Variants in NXPH2 observed in about 807,000 individuals in gnomAD.
NXPH2 encodes neurexophilin-2.
In NXPH2, 5 loss-of-function variants were observed where a neutral mutation model predicts 19.8. That is an observed-to-expected ratio of 0.25 (90% confidence interval 0.13 to 0.53). The LOEUF (loss-of-function observed/expected upper bound fraction) is 0.53. NXPH2 is among the 20% of genes least tolerant of loss of function. The pLI is 0.96. For synonymous variants in NXPH2, 154 were observed against 127.4 expected, an observed-to-expected ratio of 1.21 and a Z score of -1.41; for missense variants, 289 against 322.8, an observed-to-expected ratio of 0.90 and a Z score of 0.80.
At chr2:138,750,898 T>C (rs969942577) in intron 1 of NXPH2, among the ~76,000 whole-genome samples, 19 of 152,054 alleles carry the variant, frequency 1.2e-4, no homozygotes, top group African/African-American at 4.3e-4. Context: ...GATTGGATCT[T>C]GTTCGGATGT....
At chr2:138,736,921 CAA>C (rs1463177827) in intron 1 of NXPH2, among the ~76,000 whole-genome samples, 1 of 152,204 alleles carries the variant, frequency 6.6e-6, no homozygotes, top group East Asian at 1.9e-4. Flanking sequence ...TGAAACATAA[CAA>C]GAGTCACCTT....
At chr2:138,681,476 T>C (rs910998648) in intron 1 of NXPH2, among the ~76,000 whole-genome samples, 64 of 152,340 alleles carry the variant, frequency 4.2e-4, no homozygotes, top group African/African-American at 1.5e-3. Flanking sequence ...CTATAACATA[T>C]ATAATACACA....
At chr2:138,723,396 C>T (rs1310013776) in intron 1 of NXPH2, among the ~76,000 whole-genome samples, 2 of 152,146 alleles carry the variant, frequency 1.3e-5, no homozygotes, top group African/African-American at 4.8e-5. Context: ...GGGAAAAAAT[C>T]AGCCCATTTG....
Position 138,769,704 on chromosome 2 carries a change from T to C in NXPH2, c.51+10487A>G, listed in dbSNP as rs971405907. The stretch of plus-strand genomic sequence containing the variant: ...GGCGTGAAACTGGCACCAAGGCAGC[T>C]ACCAGGAGGCTCCCCTGAGCACAAA... On this transcript the variant is annotated intron_variant, in intron 1 of 1. Transcript: ENST00000272641. Among the ~76,000 whole-genome samples, 96 of 152,160 alleles carry C rather than the reference T, an allele frequency of 6.3e-4. 1 individual carries two copies. The highest frequency in any genetic ancestry group is 6.1e-3 in the Admixed American group (93 of 15,274).
intron 1 of NXPH2, among the ~76,000 whole-genome samples, chr2:138,754,387 A>T (rs911319678): frequency 6.6e-6 from 1 of 152,068 alleles, no homozygotes; most frequent in Non-Finnish European, 1.5e-5. Flanking sequence ...TCTTTTTACC[A>T]TCTCTATAGC....
chr2:138,750,892 G>T (rs753683620), intron 1 of NXPH2, among the ~76,000 whole-genome samples: 4 of 151,994 alleles, frequency 2.6e-5, no homozygotes, highest in Admixed American at 2.0e-4. Context: ...GGAGGTGATT[G>T]GATCTTGTTC....
Position 138,684,723 on chromosome 2 carries a change from G to A in NXPH2, c.52-13058C>T, listed in dbSNP as rs181627823. Among the ~76,000 whole-genome samples the A allele has an allele frequency of 9.2e-5, 14 of 152,282 alleles. 1 individual carries two copies. The South Asian group carries it at 1.2e-3, about 14-fold the overall frequency. On this transcript the variant is annotated intron_variant, in intron 1 of 1. Coordinates refer to ENST00000272641, the MANE Select transcript of NXPH2 (RefSeq NM_007226.3). ...GAAGGAACTGGGACTGTTCCGGGCA[G>A]GAGCAAGCTCATTGTCCTCTGGACT...
chr2:138,690,977 G>C (rs547651545), intron 1 of NXPH2, among the ~76,000 whole-genome samples: 25 of 152,340 alleles, frequency 1.6e-4, no homozygotes, highest in Non-Finnish European at 2.4e-4. Context: ...AACTCACACA[G>C]GGATAGTTAG....
intron 1 of NXPH2, among the ~76,000 whole-genome samples, chr2:138,722,525 AAG>A (rs1681297805): frequency 6.6e-6 from 1 of 152,216 alleles, no homozygotes; most frequent in Non-Finnish European, 1.5e-5. Context: ...TCCTGGGCAG[AAG>A]AGAGGCACCA....
intron 1 of NXPH2, among the ~76,000 whole-genome samples, chr2:138,758,983 G>C (rs1425680418): frequency 6.6e-6 from 1 of 152,140 alleles, no homozygotes; most frequent in East Asian, 1.9e-4. Context: ...ACCCACCCCA[G>C]TTATAAAGCA....
At chr2:138,674,213 G>C (rs553393744) in intron 1 of NXPH2, among the ~76,000 whole-genome samples, 75 of 151,930 alleles carry the variant, frequency 4.9e-4, no homozygotes, top group African/African-American at 1.8e-3. Context: ...GAGTGGAGTG[G>C]TGCAATCTCA....
intron 1 of NXPH2, among the ~76,000 whole-genome samples, chr2:138,759,690 A>G (rs111813066): frequency 0.054 from 8,215 of 151,540 alleles, 303 homozygotes; most frequent in South Asian, 0.085. Context: ...GGGTATGGAT[A>G]GAGATTGTGA....
At chr2:138,744,633 G>T (rs140414420) in intron 1 of NXPH2, among the ~76,000 whole-genome samples, 4 of 152,198 alleles carry the variant, frequency 2.6e-5, no homozygotes, top group Admixed American at 2.6e-4. Flanking sequence ...TCCTCCAGGT[G>T]CTCCAAGCCT....
At chr2:138,672,856 A>G (rs1680433823) in intron 1 of NXPH2, among the ~76,000 whole-genome samples, 1 of 152,240 alleles carries the variant, frequency 6.6e-6, no homozygotes, top group South Asian at 2.1e-4. Flanking sequence ...TGAGAGACGT[A>G]GCCTGGATTA....
intron 1 of NXPH2, among the ~76,000 whole-genome samples, chr2:138,769,402 C>T (rs1489048249): frequency 6.6e-6 from 1 of 152,086 alleles, no homozygotes; most frequent in Non-Finnish European, 1.5e-5. Context: ...CATGCACTTG[C>T]CTCCCTCCAA....
chr2:138,676,434 A>G (rs72860155), intron 1 of NXPH2, among the ~76,000 whole-genome samples: 13,309 of 152,146 alleles, frequency 0.087, 802 homozygotes, highest in Non-Finnish European at 0.11. Flanking sequence ...AGACCTAATC[A>G]GAAGACTGGA....
At chr2:138,769,863 C>T (rs1327979037) in intron 1 of NXPH2, among the ~76,000 whole-genome samples, 1 of 152,158 alleles carries the variant, frequency 6.6e-6, no homozygotes, top group East Asian at 1.9e-4. Flanking sequence ...AATGAAGGCA[C>T]TCCCCTAGCT....
intron 1 of NXPH2, among the ~76,000 whole-genome samples, chr2:138,725,544 T>A (rs1184757772): frequency 2.0e-5 from 3 of 152,216 alleles, no homozygotes; most frequent in African/African-American, 7.2e-5. Context: ...AATCATGGTT[T>A]CATGAATGAA....
chr2:138,755,197 A>G (rs1334797946), intron 1 of NXPH2, among the ~76,000 whole-genome samples: 1 of 152,050 alleles, frequency 6.6e-6, no homozygotes, highest in Non-Finnish European at 1.5e-5. Context: ...TTTAATTACA[A>G]TAAGGTTCAA....
Sources: allele counts gnomAD v4.1 joint callset (sites outside exome capture counted in the v4.1 genomes callset), GRCh38; gene constraint gnomAD v4.1.1; transcripts MANE v1.5; gene names NCBI Gene and HGNC (gene_info 2026-07-23, HGNC 2026-07-21).